The following TRPC6 variants were observed in gnomAD, a reference collection of about 807,000 sequenced individuals.
TRPC6 encodes short transient receptor potential channel 6.
In TRPC6, 55 loss-of-function variants were observed where a neutral mutation model predicts 90.7. That is an observed-to-expected ratio of 0.61 (90% CI 0.49 to 0.76). The LOEUF (loss-of-function observed/expected upper bound fraction) is 0.76, where lower values mean the gene tolerates loss of function less well. Among genes scored for constraint, TRPC6 ranks in the 30% least tolerant of loss-of-function variants. TRPC6 has a pLI of 0.00. For synonymous variants in TRPC6, 393 were observed against 393.0 expected, an observed-to-expected ratio of 1.00 and a Z score of 0.00; for missense variants, 989 against 1,122.7, an observed-to-expected ratio of 0.88 and a Z score of 1.70.
intron 6 of TRPC6, among the ~76,000 whole-genome samples, chr11:101,474,751 A>G (rs1386468070): frequency 6.6e-6 from 1 of 152,188 alleles, no homozygotes; most frequent in East Asian, 1.9e-4. Flanking sequence ...ATGAGTATTC[A>G]AAGGGAATAT....
intron 1 of TRPC6, among the ~76,000 whole-genome samples, chr11:101,571,195 C>A (rs2136887059): frequency 6.6e-6 from 1 of 152,276 alleles, no homozygotes; most frequent in African/African-American, 2.4e-5. Flanking sequence ...AGTCAATGTG[C>A]AAAAATCACA....
intron 10 of TRPC6, among the ~76,000 whole-genome samples, chr11:101,459,093 T>C (rs1470031183): frequency 6.6e-6 from 1 of 152,204 alleles, no homozygotes; most frequent in Non-Finnish European, 1.5e-5. Flanking sequence ...AACCAAGCCA[T>C]GTGAAATGTG....
chr11:101,550,630 G>A lies in TRPC6; in HGVS notation c.170+32704C>T, dbSNP rs141050149. Among the ~76,000 whole-genome samples the A allele has an allele frequency of 1.8e-4, 28 of 151,476 alleles. 1 individual carries two copies. In the East Asian group the frequency reaches 4.4e-3, roughly 24 times the overall value. ...TAAGCACTAATAAATAAGGATAAAG[G>A]GCAATTGAATAACAATATTATTCTT... On this transcript the variant is annotated intron_variant, in intron 1 of 12. Transcript: ENST00000344327.
At chr11:101,456,831 T>C (rs1467925452) in intron 10 of TRPC6, among the ~76,000 whole-genome samples, 1 of 152,186 alleles carries the variant, frequency 6.6e-6, no homozygotes, top group East Asian at 1.9e-4. Flanking sequence ...TTTCTAAGTA[T>C]TAAATACCAA....
intron 1 of TRPC6, among the ~76,000 whole-genome samples, chr11:101,570,048 C>T (rs4553341): frequency 0.24 from 35,954 of 151,914 alleles, 5,432 homozygotes; most frequent in Non-Finnish European, 0.34. Context: ...GATAGAGACA[C>T]AAAAAACCCT....
In TRPC6 at chr11:101,477,228, C is replaced by T. The variant is rs80187041; in HGVS notation, c.1511-694G>A. ...CAACCTTCCTGCCTGCTCTCTGTCC[C>T]TTGGGGTTTGACTTGTATCCCTGCC... On this transcript the variant is annotated intron_variant, in intron 5 of 12. Transcript: ENST00000344327. Among the ~76,000 whole-genome samples the T allele has an allele frequency of 3.1e-3, 467 of 151,240 alleles. 15 individuals carry two copies. In the East Asian group the frequency reaches 0.082, roughly 26 times the overall value.
At position 101,453,110 on chromosome 11, in the gene TRPC6, T is replaced by C; in HGVS notation, c.2645-4A>G. ...TGCTTAATTTCCTTCAGTTCCCCTT[T>C]GAAAGCAAGAGTGATAAGAAGTCAA... On this transcript the variant is annotated splice_region_variant and splice_polypyrimidine_tract_variant and intron_variant, in intron 12 of 12. Transcript: ENST00000344327. 1 of 1,600,180 alleles carries C rather than the reference T, an allele frequency of 6.2e-7. No individual in the cohort carries two copies. The highest frequency in any genetic ancestry group is 1.1e-5 in the South Asian group (1 of 90,836).
chr11:101,524,311 C>T (rs1188135510), intron 1 of TRPC6, among the ~76,000 whole-genome samples: 2 of 152,132 alleles, frequency 1.3e-5, no homozygotes, highest in African/African-American at 4.8e-5. Flanking sequence ...TGCAGTGGCA[C>T]GATCTCGGCT....
In TRPC6 at chr11:101,472,273, G is replaced by C; in HGVS notation, c.2069C>G (p.Ser690Ter). The change falls in exon 8 of 13, where the codon TCA becomes TGA. Residue 690 changes from serine (S) to a stop codon, truncating the protein, a stop_gained. Coordinates refer to ENST00000344327, the MANE Select transcript of TRPC6 (RefSeq NM_004621.6). LOFTEE classifies it high-confidence loss of function. ...WAIFGLSEVK[S>*]VVINYNHKFI... Reference sequence around the variant, plus strand: ...TTTGTGGTTATAGTTGATGACCACTGATTTCACTTCAGAAAGTCCAAATAT... The same window carrying C: ...TTTGTGGTTATAGTTGATGACCACTCATTTCACTTCAGAAAGTCCAAATAT... The C allele has an allele frequency of 6.2e-7, 1 of 1,613,250 alleles. No homozygotes were observed. The highest frequency in any genetic ancestry group is 8.5e-7 in the Non-Finnish European group (1 of 1,179,524).
intron 4 of TRPC6, among the ~76,000 whole-genome samples, chr11:101,484,839 T>C (rs1859639319): frequency 6.6e-6 from 1 of 152,116 alleles, no homozygotes; most frequent in Admixed American, 6.6e-5. Flanking sequence ...ATTTTTGTTA[T>C]AAGATACACT....
At position 101,506,583 on chromosome 11, in the gene TRPC6, C is replaced by A. The variant is rs1254680679; in HGVS notation, c.171-1785G>T. ...TTCCTTTAACTATCCAAGTCCTATT[C>A]AAAATCAACCAAACTGATGTTTTTT... On this transcript the variant is annotated intron_variant, in intron 1 of 12. Transcript: ENST00000344327. 4.6e-5 allele frequency among the ~76,000 whole-genome samples: 7 copies of A among 152,092 alleles called. No individual in the cohort carries two copies. The South Asian group carries it at 1.0e-3, about 22-fold the overall frequency.
At chr11:101,521,914 A>G (rs1591108072) in intron 1 of TRPC6, among the ~76,000 whole-genome samples, 1 of 152,176 alleles carries the variant, frequency 6.6e-6, no homozygotes, top group Non-Finnish European at 1.5e-5. Context: ...TATTTACCCA[A>G]TGCCTGTACC....
At chr11:101,528,455 G>T (rs1345488673) in intron 1 of TRPC6, among the ~76,000 whole-genome samples, 1 of 152,070 alleles carries the variant, frequency 6.6e-6, no homozygotes, top group African/African-American at 2.4e-5. Flanking sequence ...CTTATTTTTT[G>T]ATATGATCTA....
chr11:101,499,804 C>T (rs1860058986), intron 2 of TRPC6, among the ~76,000 whole-genome samples: 1 of 86,074 alleles, frequency 1.2e-5, no homozygotes, highest in African/African-American at 5.2e-5. Context: ...TATATATATA[C>T]ACAGTATAAA....
rs1285475690 is a variant in TRPC6 at position 101,491,732 on chromosome 11, A to G, written c.952T>C (p.Tyr318His). 2.5e-6 allele frequency: 4 copies of G among 1,613,120 alleles called. No individual in the cohort carries two copies. The highest frequency in any genetic ancestry group is 2.7e-5 in the African/African-American group (2 of 74,886). ...ANIEKEFKND[Y>H]KKLSMQCKDF... ...TTGCACTGCATTGACAGTTTTTTGT[A>G]GTCATTCTAGGAAAAACAAAGCAAA... The change falls in exon 3 of 13, where the codon TAC (tyrosine) becomes CAC (histidine). Residue 318 changes from tyrosine to histidine, a missense_variant. Coordinates refer to ENST00000344327, the MANE Select transcript of TRPC6 (RefSeq NM_004621.6).
intron 10 of TRPC6, among the ~76,000 whole-genome samples, chr11:101,461,405 T>C (rs1483672360): frequency 6.6e-6 from 1 of 152,048 alleles, no homozygotes; most frequent in Non-Finnish European, 1.5e-5. Context: ...ACCCCATCTC[T>C]ACAGAAAATA....
intron 1 of TRPC6, among the ~76,000 whole-genome samples, chr11:101,578,636 T>C (rs1362142987): frequency 6.6e-6 from 1 of 152,146 alleles, no homozygotes; most frequent in African/African-American, 2.4e-5. Context: ...TGTGAGAGGA[T>C]ATAATTAAGA....
intron 1 of TRPC6, among the ~76,000 whole-genome samples, chr11:101,556,980 T>C (rs180697072): frequency 1.3e-3 from 200 of 152,296 alleles, no homozygotes; most frequent in Non-Finnish European, 2.5e-3. Context: ...TAATTAGATA[T>C]AGGAAAAGCA....
At position 101,496,573 on chromosome 11, in the gene TRPC6, T is replaced by C. The variant is rs533774527; in HGVS notation, c.946-4835A>G. Among the ~76,000 whole-genome samples the C allele has an allele frequency of 1.2e-4, 18 of 152,346 alleles. No individual in the cohort carries two copies. The South Asian group carries it at 2.7e-3, about 23-fold the overall frequency. ...TCCTAGATATGTCAGCCTTTTTCTA[T>C]TGATTGTTGCCATCAGCAGTGGCTG... On this transcript the variant is annotated intron_variant, in intron 2 of 12. Transcript: ENST00000344327.
Sources: gnomAD v4.1 joint callset for allele counts (sites outside exome capture counted in the v4.1 genomes callset) on GRCh38, gnomAD v4.1.1 for gene constraint, MANE v1.5 for transcripts, NCBI Gene and HGNC (gene_info 2026-07-23, HGNC 2026-07-21) for gene names.